GPR108: variants seen among roughly 807,000 people sequenced by gnomAD.
The protein encoded by GPR108 is protein GPR108.
A neutral mutation model predicts 74.3 loss-of-function variants in GPR108; 60 were observed. That is an observed-to-expected ratio of 0.81 (90% confidence interval 0.66 to 1.00). The LOEUF is 1.00. Among genes scored for constraint, GPR108 ranks in the 50% least tolerant of loss-of-function variants. The pLI is 0.00. For missense variants in GPR108, 667 were observed against 703.3 expected (o/e 0.95, Z 0.58); for synonymous variants, 311 against 292.4 (o/e 1.06, Z -0.65).
intron 4 of GPR108, among the ~76,000 whole-genome samples, chr19:6,734,637 G>C (rs1489965467): frequency 6.6e-6 from 1 of 152,108 alleles, no homozygotes; most frequent in Non-Finnish European, 1.5e-5. Context: ...AAATTCCTGG[G>C]ATCAGGCAAT....
At position 6,733,856 on chromosome 19, in the gene GPR108, AG is replaced by A; in HGVS notation, c.606del (p.Tyr203ThrfsTer8). ...LVLGLSHLNN[S>X]YNFSFHVVIG... The stretch of plus-strand genomic sequence containing the variant: ...CTGCAAACACTCACACTGAAGTTGT[AG>A]GAGTTGTTGAGGTGGCTCAGGCCCA... On this transcript the variant is annotated frameshift_variant, in exon 7 of 18. Transcript: ENST00000264080. LOFTEE classifies it high-confidence loss of function. 1 of 1,614,106 alleles carries A rather than the reference AG, an allele frequency of 6.2e-7. No homozygotes were observed. The highest frequency in any genetic ancestry group is 8.5e-7 in the Non-Finnish European group (1 of 1,179,942).
At chr19:6,736,756 C>T (rs774187545) in intron 1 of GPR108, 45 bp from the exon 2 acceptor site, 1 of 1,612,520 alleles carries the variant, frequency 6.2e-7, no homozygotes, top group African/African-American at 1.3e-5. Flanking sequence ...CCTCTTTCCG[C>T]CTGCCCAGCC....
Position 6,730,973 on chromosome 19 carries a change from G to A in GPR108, c.1559+14C>T. The A allele has an allele frequency of 1.3e-6, 2 of 1,529,190 alleles. No individual in the cohort carries two copies. Among genetic ancestry groups the A allele is most frequent in the Non-Finnish European group, 1.8e-6 (2 of 1,129,304 alleles). 94.7% of individuals were successfully genotyped at this position (1,529,190 alleles called of 1,614,324 possible). On this transcript the variant is annotated intron_variant, in intron 17 of 17. Coordinates refer to ENST00000264080, the MANE Select transcript of GPR108 (RefSeq NM_001080452.2). ...CCCCAGAGCCGCCGGCCCTGCCCAT[G>A]GTGCCCAGCTCACACTTGCTCCATC...
At position 6,730,404 on chromosome 19, in the gene GPR108, A is replaced by T. The variant is rs780895455; in HGVS notation, c.1560-20T>A. The T allele has an allele frequency of 6.2e-7, 1 of 1,609,424 alleles. No homozygotes were observed. The highest frequency in any genetic ancestry group is 1.3e-5 in the African/African-American group (1 of 74,834). On this transcript the variant is annotated intron_variant, in intron 17 of 17. Coordinates refer to ENST00000264080, the MANE Select transcript of GPR108 (RefSeq NM_001080452.2). Reference sequence around the variant, plus strand: ...GTCATTCTGGGGGCAGACAGCGAGGAGGCGTCTAGCGTTGCAGGGCAGCAG... The same window carrying T: ...GTCATTCTGGGGGCAGACAGCGAGGTGGCGTCTAGCGTTGCAGGGCAGCAG...
intron 8 of GPR108, 85 bp from the exon 9 acceptor site, chr19:6,733,386 T>G: frequency 1.4e-6 from 2 of 1,440,654 alleles, no homozygotes; most frequent in Non-Finnish European, 1.9e-6. Context: ...TCTCCAGCTC[T>G]CTCACTTTCT....
chr19:6,733,150 CAG>C lies in GPR108; in HGVS notation c.857+16_857+17del, dbSNP rs1158190796. 1.2e-6 allele frequency: 2 copies of C among 1,613,722 alleles called. No homozygotes were observed. The highest frequency in any genetic ancestry group is 2.2e-5 in the East Asian group (1 of 44,882). ...CTGGTGAAGGGACGTGGGGGACCCT[CAG>C]GGGCAGGGGCATTACGTGTTCCTGC... On this transcript the variant is annotated intron_variant, in intron 9 of 17. Coordinates refer to ENST00000264080, the MANE Select transcript of GPR108 (RefSeq NM_001080452.2).
rs775686009 is a variant in GPR108, at chr19:6,733,121, G to T, written c.857+47C>A. On this transcript the variant is annotated intron_variant, in intron 9 of 17. Transcript: ENST00000264080. ...GGGCATCAGCAGAGCATAGGGATGG[G>T]GGTCTGGTGAAGGGACGTGGGGGAC... The T allele has an allele frequency of 3.1e-6, 5 of 1,613,594 alleles. No individual in the cohort carries two copies. In the East Asian group the frequency reaches 1.1e-4, roughly 36 times the overall value.
chr19:6,733,189 A>T lies in GPR108; in HGVS notation c.836T>A (p.Val279Glu), dbSNP rs762839050. The change falls in exon 9 of 18, where the codon GTG becomes GAG. Residue 279 changes from valine to glutamate, a missense_variant. Coordinates refer to ENST00000264080, the MANE Select transcript of GPR108 (RefSeq NM_001080452.2). Reference sequence around the variant, plus strand: ...TTACGTGTTCCTGCAGAGGATGGACACCCAGAAGATGCCAGCGGCCAGGAA... The same window carrying T: ...TTACGTGTTCCTGCAGAGGATGGACTCCCAGAAGATGCCAGCGGCCAGGAA... The part of the protein sequence containing the change: ...ACFLAAGIFW[V>E]SILCRNTYSV... 1.2e-6 allele frequency: 2 copies of T among 1,614,070 alleles called. No homozygotes were observed. The highest frequency in any genetic ancestry group is 1.7e-6 in the Non-Finnish European group (2 of 1,180,026).
chr19:6,732,486 T>G lies in GPR108; in HGVS notation c.997A>C (p.Ile333Leu). 1 of 1,613,528 alleles carries G rather than the reference T, an allele frequency of 6.2e-7. No individual in the cohort carries two copies. The highest frequency in any genetic ancestry group is 1.6e-4 in the Middle Eastern group (1 of 6,062). ...GTGGGGGACACTCACAGGTGTGCGA[T>G]GTAGTACATGACGGCAAGGCCTTCG... is the stretch of plus-strand genomic sequence containing the variant. ...PIEGLAVMYY[I>L]AHLLKGALLF... The change falls in exon 11 of 18, where the codon ATC becomes CTC. Residue 333 changes from isoleucine (I) to leucine (L), a missense_variant. Ile to Leu is a conservative substitution (Grantham distance 5). Coordinates refer to ENST00000264080, the MANE Select transcript of GPR108 (RefSeq NM_001080452.2).
chr19:6,735,621 C>T lies in GPR108; in HGVS notation c.374+1G>A, dbSNP rs768237943. 16 of 1,613,738 alleles carry T rather than the reference C, an allele frequency of 9.9e-6. No individual in the cohort carries two copies. Among genetic ancestry groups the T allele is most frequent in the Admixed American group, 3.3e-5 (2 of 59,996 alleles). On this transcript the variant is annotated splice_donor_variant, in intron 4 of 17. Transcript: ENST00000264080. LOFTEE classifies it high-confidence loss of function. ...GAGCGAGCCCCCGGTCCCCAACTCA[C>T]TGCAGATCCTTGGTGTTGATGAGGA...
chr19:6,732,055 C>T lies in GPR108; in HGVS notation c.1226G>A (p.Cys409Tyr), dbSNP rs1968431853. Residue 409 changes from cysteine to tyrosine, a missense_variant, in exon 13 of 18, where the codon TGC becomes TAC. Coordinates refer to ENST00000264080, the MANE Select transcript of GPR108 (RefSeq NM_001080452.2). ...TACGGGGAACAGGATGGCACCACAG[C>T]AGATGAGGTCCACCAGGAACAAAAT... ...KEILFLVDLI[C>Y]CGAILFPVVW... The T allele has an allele frequency of 1.2e-6, 2 of 1,613,836 alleles. No homozygotes were observed. The highest frequency in any genetic ancestry group is 1.7e-6 in the Non-Finnish European group (2 of 1,180,026).
At chr19:6,734,416 C>T (rs983041209) in intron 4 of GPR108, 109 bp from the exon 5 acceptor site, 25 of 1,071,960 alleles carry the variant, frequency 2.3e-5, no homozygotes, top group African/African-American at 1.1e-4. Flanking sequence ...CCCTGAGGGG[C>T]GGGGTCCAGT....
intron 11 of GPR108, 32 bp downstream of exon 11, chr19:6,732,444 C>A: frequency 6.2e-7 from 1 of 1,612,904 alleles, no homozygotes; most frequent in Non-Finnish European, 8.5e-7. Context: ...CCTGCCTCCC[C>A]CCAGCTGCCC....
chr19:6,732,303 T>A lies in GPR108; in HGVS notation c.1085A>T (p.Asp362Val). ...GATCCCAAAGACCTTCTTCTCCTTA[T>A]CCGACAGGACGTACTTGATGAAGGC... ...GWAFIKYVLS[D>V]KEKKVFGIVI... is the part of the protein sequence containing the mutation. Residue 362 changes from aspartate to valine, a missense_variant, in exon 12 of 18, where the codon GAT (aspartate) becomes GTT (valine). Physicochemically the swap from Asp to Val is radical, Grantham distance 152. Transcript: ENST00000264080. 6.2e-7 allele frequency: 1 copy of A among 1,613,176 alleles called. No individual in the cohort carries two copies. The highest frequency in any genetic ancestry group is 1.3e-5 in the African/African-American group (1 of 75,052).
rs937198363 is a variant in GPR108, at chr19:6,730,036, A to G, written c.*276T>C. On this transcript the variant is annotated 3_prime_UTR_variant, in exon 18 of 18. Transcript: ENST00000264080. Reference sequence around the variant, plus strand: ...ACCTCCGTGTAGACCCCAACCCCCAAAAAGGCAAGACAACGGCGTAGCCAA... The same window carrying G: ...ACCTCCGTGTAGACCCCAACCCCCAGAAAGGCAAGACAACGGCGTAGCCAA... 4 of 478,438 alleles carry G rather than the reference A, an allele frequency of 8.4e-6. No homozygotes were observed. The highest frequency in any genetic ancestry group is 3.6e-5 in the Admixed American group (1 of 28,142). The allele number at this position is 478,438 out of a possible 1,614,324, so 29.6% of individuals were successfully genotyped here.
intron 1 of GPR108, chr19:6,737,250 G>C: frequency 1.7e-6 from 1 of 601,540 alleles, no homozygotes; most frequent in Non-Finnish European, 2.7e-6. Flanking sequence ...GGAGGGGGCC[G>C]ACCCCAGCGA....
chr19:6,731,091 G>A lies in GPR108; in HGVS notation c.1455C>T (p.Thr485=). The stretch of plus-strand genomic sequence containing the variant: ...AGCCCGTGAGCACGAAGAAGGCCAG[G>A]GTGGAGCCCTCCACCAAGAGCTGGG... ...WLYQLLVEGS[T]LAFFVLTGYK... The change falls in exon 17 of 18, where the codon ACC becomes ACT. Residue 485 remains threonine, a synonymous_variant. Coordinates refer to ENST00000264080, the MANE Select transcript of GPR108 (RefSeq NM_001080452.2). 6.2e-7 allele frequency: 1 copy of A among 1,613,380 alleles called. No homozygotes were observed. The highest frequency in any genetic ancestry group is 8.5e-7 in the Non-Finnish European group (1 of 1,179,822).
At chr19:6,730,759 C>G (rs1599537606) in intron 17 of GPR108, among the ~76,000 whole-genome samples, 1 of 151,342 alleles carries the variant, frequency 6.6e-6, no homozygotes, top group African/African-American at 2.4e-5. Flanking sequence ...CTAACCCCAC[C>G]CCTAGCTCAG....
In GPR108 at chr19:6,732,108, GCCTT is replaced by G. The variant is rs1568236917; in HGVS notation, c.1169_1172del (p.Glu390AlafsTer27). 6.2e-7 allele frequency: 1 copy of G among 1,613,766 alleles called. No homozygotes were observed. The highest frequency in any genetic ancestry group is 1.3e-5 in the African/African-American group (1 of 74,930). On this transcript the variant is annotated frameshift_variant, in exon 13 of 18. Transcript: ENST00000264080. LOFTEE classifies it high-confidence loss of function. ...CCTTCCACAGCACGTAGTCGCTGGC[GCCTT>G]CCTCGCGGGACTCGATGATGATGTA...
Sources: gnomAD v4.1 joint callset for allele counts (sites outside exome capture counted in the v4.1 genomes callset) on GRCh38, gnomAD v4.1.1 for gene constraint, MANE v1.5 for transcripts, NCBI Gene and HGNC (gene_info 2026-07-23, HGNC 2026-07-21) for gene names.